Variants in EP300 observed in about 807,000 individuals in gnomAD.
EP300 encodes the protein EP300 lysine acetyltransferase, also known as histone acetyltransferase p300.
Under a neutral mutation model 264.0 loss-of-function variants are expected in EP300, and 31 were observed. The observed-to-expected ratio is 0.12, with a 90% CI of 0.09 to 0.16. The LOEUF is 0.16. Ranked by LOEUF, EP300 falls within the 10% of genes least tolerant of loss-of-function variation. The pLI, the probability that EP300 is intolerant of heterozygous loss-of-function variation, is 1.00. For missense variants in EP300, 2,766 were observed against 3,052.9 expected (o/e 0.91, Z 2.21); for synonymous variants, 1,340 against 1,045.4 (o/e 1.28, Z -5.44).
chr22:41,176,162 G>T (rs2059199229), intron 29 of EP300, 85 bp from the exon 30 acceptor site: 1 of 1,520,456 alleles, frequency 6.6e-7, no homozygotes, highest in Non-Finnish European at 9.0e-7. Context: ...AGAGGTTGTA[G>T]TGAGCCAAGA....
chr22:41,133,806 T>A (rs1417539577), intron 6 of EP300, among the ~76,000 whole-genome samples: 2 of 152,252 alleles, frequency 1.3e-5, no homozygotes, highest in Non-Finnish European at 2.9e-5. Context: ...ACCAGTGATC[T>A]GCTTTTAAGC....
intron 6 of EP300, among the ~76,000 whole-genome samples, chr22:41,133,595 A>G (rs931285038): frequency 6.6e-6 from 1 of 152,230 alleles, no homozygotes; most frequent in Non-Finnish European, 1.5e-5. Context: ...AAAATGCTGC[A>G]TTGAGCATTT....
chr22:41,164,039 C>G lies in EP300; in HGVS notation c.3729-14C>G. On this transcript the variant is annotated splice_polypyrimidine_tract_variant and intron_variant, in intron 21 of 30. Coordinates refer to ENST00000263253, the MANE Select transcript of EP300 (RefSeq NM_001429.4). ...GGTTTGGGGTTAATTTTGGAATTGG[C>G]TCTGCTCTTCCAGGTTTGTTGAATG... is the stretch of plus-strand genomic sequence containing the variant. 1 of 1,613,430 alleles carries G rather than the reference C, an allele frequency of 6.2e-7. No homozygotes were observed. The highest frequency in any genetic ancestry group is 8.5e-7 in the Non-Finnish European group (1 of 1,179,342).
intron 25 of EP300, 42 bp from the exon 26 acceptor site, chr22:41,169,461 C>G (rs1442254575): frequency 1.5e-6 from 2 of 1,313,732 alleles, no homozygotes; most frequent in Non-Finnish European, 2.2e-6. Context: ...ATTATGTGAC[C>G]TGACTTTTTT....
chr22:41,151,865 G>A lies in EP300; in HGVS notation c.2850G>A (p.Gln950=). The A allele has an allele frequency of 1.2e-6, 2 of 1,614,072 alleles. No individual in the cohort carries two copies. Among genetic ancestry groups the A allele is most frequent in the Non-Finnish European group, 1.7e-6 (2 of 1,180,014 alleles). ...AGCCAGCTGTAAGCATTGAAGGACA[G>A]GTATCAAATCCTCCATCTACTAGTA... ...LSQPAVSIEG[Q]VSNPPSTSST... The change falls in exon 15 of 31, where the codon CAG becomes CAA. Residue 950 remains glutamine, a synonymous_variant. Transcript: ENST00000263253.
intron 19 of EP300, chr22:41,159,251 CTTTA>C (rs1023649451): frequency 5.3e-5 from 8 of 152,166 alleles, no homozygotes; most frequent in Non-Finnish European, 1.0e-4. Context: ...TATTAATACC[CTTTA>C]TTTGTTTGTT....
Position 41,117,669 on chromosome 22 carries a change from A to T in EP300, c.577A>T (p.Asn193Tyr). 1 of 1,614,214 alleles carries T rather than the reference A, an allele frequency of 6.2e-7. No homozygotes were observed. Among genetic ancestry groups the T allele is most frequent in the Non-Finnish European group, 8.5e-7 (1 of 1,180,034 alleles). ...AGGGATAATGCCTAATCAAGTCATG[A>T]ACGGTTCAATTGGAGCAGGCCGAGG... is the stretch of plus-strand genomic sequence containing the variant. ...GQGIMPNQVMNGSIGAGRGRQ... is the reference protein window; with the variant it reads ...GQGIMPNQVMYGSIGAGRGRQ... The change falls in exon 2 of 31, where the codon AAC becomes TAC. Residue 193 changes from asparagine to tyrosine, a missense_variant. Coordinates refer to ENST00000263253, the MANE Select transcript of EP300 (RefSeq NM_001429.4).
At chr22:41,161,052 T>C (rs935178720) in intron 20 of EP300, among the ~76,000 whole-genome samples, 6 of 152,232 alleles carry the variant, frequency 3.9e-5, no homozygotes, top group African/African-American at 1.2e-4. Flanking sequence ...AAAAGTATTC[T>C]GTATAGGAAG....
chr22:41,133,709 G>A (rs992007228), intron 6 of EP300, among the ~76,000 whole-genome samples: 7 of 152,048 alleles, frequency 4.6e-5, no homozygotes, highest in Non-Finnish European at 1.0e-4. Flanking sequence ...GCTGTGTTCT[G>A]TTGCTCCCAT....
chr22:41,133,376 C>T (rs1164872036), intron 6 of EP300, among the ~76,000 whole-genome samples: 1 of 151,920 alleles, frequency 6.6e-6, no homozygotes, highest in African/African-American at 2.4e-5. Flanking sequence ...GTCTTGAACT[C>T]CTGACCTCAG....
At chr22:41,109,746 G>T (rs934053165) in intron 1 of EP300, among the ~76,000 whole-genome samples, 1 of 151,470 alleles carries the variant, frequency 6.6e-6, no homozygotes, top group African/African-American at 2.4e-5. Context: ...GGACGGGAAC[G>T]GATGGAGTTG....
At chr22:41,096,257 C>G (rs2058701037) in intron 1 of EP300, among the ~76,000 whole-genome samples, 3 of 152,030 alleles carry the variant, frequency 2.0e-5, no homozygotes, top group Admixed American at 6.6e-5. Flanking sequence ...CTGGAAATAT[C>G]TTTTGGAGCT....
At chr22:41,095,261 A>G (rs900957195) in intron 1 of EP300, among the ~76,000 whole-genome samples, 4 of 67,340 alleles carry the variant, frequency 5.9e-5, no homozygotes, top group Non-Finnish European at 1.1e-4. Context: ...TTTTTTTGAG[A>G]TGGAGTCTCA....
intron 21 of EP300, 73 bp downstream of exon 21, chr22:41,162,852 A>T (rs1347857896): frequency 2.4e-6 from 3 of 1,249,994 alleles, no homozygotes; most frequent in Non-Finnish European, 3.5e-6. Context: ...TGAAGTTTGC[A>T]TGACCAATCA....
intron 30 of EP300, 109 bp from the exon 31 acceptor site, chr22:41,176,664 C>A: frequency 6.2e-7 from 1 of 1,610,144 alleles, no homozygotes; most frequent in East Asian, 2.2e-5. Flanking sequence ...GCTGAAGAGG[C>A]TAGTTTTTGT....
At position 41,179,878 on chromosome 22, in the gene EP300, A is replaced by ACT. The variant is rs1171861309; in HGVS notation, c.*924_*925dup. On this transcript the variant is annotated 3_prime_UTR_variant, in exon 31 of 31. Transcript: ENST00000263253. ...TTTCTTCCTCCTTACCCTACCCCCC[A>ACT]CTCACACACACACACACACACACAC... 2.0e-4 allele frequency: 18 copies of ACT among 88,748 alleles called. No homozygotes were observed. The highest frequency in any genetic ancestry group is 8.2e-4 in the African/African-American group (18 of 21,832). The allele number at this position is 88,748 out of a possible 1,614,324, so 5.5% of individuals were successfully genotyped here.
rs774980236 is a variant in EP300, at chr22:41,177,811, G to C, written c.6100G>C (p.Gly2034Arg). The change falls in exon 31 of 31, where the codon GGC becomes CGC. Residue 2034 changes from glycine to arginine, a missense_variant. Transcript: ENST00000263253. ...PLNMAPQPGL[G>R]QVGISPLKPG... is the part of the protein sequence containing the mutation. ...GAACATGGCTCCACAACCAGGATTG[G>C]GCCAGGTAGGTATCAGCCCACTCAA... 1 of 1,614,034 alleles carries C rather than the reference G, an allele frequency of 6.2e-7. No homozygotes were observed. Among genetic ancestry groups the C allele is most frequent in the Non-Finnish European group, 8.5e-7 (1 of 1,180,022 alleles).
chr22:41,137,390 A>G (rs1052327365), intron 7 of EP300, among the ~76,000 whole-genome samples: 2 of 151,642 alleles, frequency 1.3e-5, no homozygotes, highest in Admixed American at 6.6e-5. Flanking sequence ...ATTACAGACA[A>G]AACCCAGAAA....
intron 1 of EP300, among the ~76,000 whole-genome samples, chr22:41,097,530 A>G (rs1278148524): frequency 6.6e-6 from 1 of 152,248 alleles, no homozygotes; most frequent in Non-Finnish European, 1.5e-5. Context: ...TAGGAAAGAG[A>G]AAAAGAGTAG....
Sources: gnomAD v4.1 joint callset for allele counts (sites outside exome capture counted in the v4.1 genomes callset) on GRCh38, gnomAD v4.1.1 for gene constraint, MANE v1.5 for transcripts, NCBI Gene and HGNC (gene_info 2026-07-23, HGNC 2026-07-21) for gene names.